MALRD1: variants seen among roughly 807,000 people sequenced by gnomAD.
MALRD1 encodes the protein MAM and LDL-receptor class A domain-containing protein 1.
In MALRD1, 247 loss-of-function variants were observed where a neutral mutation model predicts 242.1. The ratio of observed to expected loss-of-function variants is 1.02; its 90% CI spans 0.92 to 1.13. The LOEUF is 1.13. MALRD1 is among the 50% of genes most tolerant of loss of function. MALRD1 has a pLI of 0.00. For synonymous variants in MALRD1, 995 were observed against 866.6 expected (o/e 1.15, Z -2.60); for missense variants, 2,989 against 2,533.1 (o/e 1.18, Z -3.86).
At chr10:19,278,537 G>A (rs1840648704) in intron 19 of MALRD1, among the ~76,000 whole-genome samples, 3 of 151,946 alleles carry the variant, frequency 2.0e-5, no homozygotes, top group Admixed American at 2.0e-4. Context: ...ACTTGTCAAT[G>A]TTAGTATACC....
chr10:19,128,516 T>C, intron 8 of MALRD1, 129 bp downstream of exon 8: 2 of 544,738 alleles, frequency 3.7e-6, no homozygotes, highest in Non-Finnish European at 5.5e-6. Flanking sequence ...CTTGGTATAC[T>C]TTTAAAAAGA....
chr10:19,374,247 C>A (rs1812095728), intron 26 of MALRD1, among the ~76,000 whole-genome samples: 2 of 152,124 alleles, frequency 1.3e-5, no homozygotes, highest in South Asian at 2.1e-4. Context: ...TCTTGTGATA[C>A]ATAGAACATT....
intron 26 of MALRD1, among the ~76,000 whole-genome samples, chr10:19,386,490 C>T (rs1470710846): frequency 6.6e-6 from 1 of 151,952 alleles, no homozygotes; most frequent in Admixed American, 6.6e-5. Flanking sequence ...GATTTCTAAA[C>T]AACTTTTTCT....
intron 28 of MALRD1, among the ~76,000 whole-genome samples, chr10:19,425,890 C>G (rs1451847503): frequency 2.0e-5 from 3 of 152,086 alleles, no homozygotes; most frequent in Non-Finnish European, 4.4e-5. Flanking sequence ...ATTAGTCTTG[C>G]CTCCTGCCCA....
intron 29 of MALRD1, among the ~76,000 whole-genome samples, chr10:19,464,775 A>G (rs1166064378): frequency 2.0e-5 from 3 of 152,106 alleles, no homozygotes; most frequent in African/African-American, 7.2e-5. Flanking sequence ...TGGGAACTAC[A>G]TTGAATTTGT....
intron 26 of MALRD1, among the ~76,000 whole-genome samples, chr10:19,384,195 A>G (rs1014724088): frequency 4.0e-4 from 60 of 148,632 alleles, no homozygotes; most frequent in African/African-American, 1.4e-3. Context: ...TCTTCTGCCA[A>G]TTTTTAAATC....
intron 33 of MALRD1, among the ~76,000 whole-genome samples, chr10:19,590,729 G>A (rs1837735068): frequency 6.6e-6 from 1 of 152,060 alleles, no homozygotes. Context: ...GTGTGTGTAT[G>A]TGGATACTTT....
intron 11 of MALRD1, among the ~76,000 whole-genome samples, chr10:19,148,052 G>A (rs1833788079): frequency 6.6e-6 from 1 of 152,172 alleles, no homozygotes; most frequent in Non-Finnish European, 1.5e-5. Context: ...TGGTGACCCA[G>A]GTAGTCATGT....
At chr10:19,615,796 C>T (rs1272630398) in intron 35 of MALRD1, 61 bp from the exon 36 acceptor site, 1 of 1,250,638 alleles carries the variant, frequency 8.0e-7, no homozygotes. Context: ...ATAGTGATAT[C>T]TTCTTCTTCC....
At chr10:19,640,120 G>A (rs140610652) in intron 36 of MALRD1, among the ~76,000 whole-genome samples, 39 of 151,952 alleles carry the variant, frequency 2.6e-4, no homozygotes, top group African/African-American at 8.4e-4. Context: ...AAAGAGTTTC[G>A]CTCTTGTCAC....
At chr10:19,618,407 G>T (rs528116360) in intron 36 of MALRD1, among the ~76,000 whole-genome samples, 2 of 151,964 alleles carry the variant, frequency 1.3e-5, no homozygotes, top group Non-Finnish European at 2.9e-5. Flanking sequence ...AGGAATCACC[G>T]CACTGCTTTG....
At chr10:19,319,136 G>T (rs528943773) in intron 21 of MALRD1, among the ~76,000 whole-genome samples, 105 of 152,082 alleles carry the variant, frequency 6.9e-4, no homozygotes, top group African/African-American at 2.3e-3. Flanking sequence ...ATGATAAACA[G>T]AAATCCTTAT....
At position 19,387,667 on chromosome 10, in the gene MALRD1, G is replaced by A; in HGVS notation, c.4581G>A (p.Trp1527Ter). Residue 1527 changes from tryptophan (W) to a stop codon, truncating the protein, a stop_gained, in exon 27 of 40, where the codon TGG (tryptophan) becomes TGA (stop). Transcript: ENST00000454679. LOFTEE classifies it high-confidence loss of function. ...GCTCCTGTACTTTTGAAAAAGGCTG[G>A]TGTGGCTGGCAAAACTCCCAGGCTG... ...CGSSCTFEKG[W>*]CGWQNSQADN... is the part of the protein sequence containing the mutation. The A allele has an allele frequency of 1.3e-6, 2 of 1,550,356 alleles. No homozygotes were observed. The highest frequency in any genetic ancestry group is 1.4e-5 in the African/African-American group (1 of 73,124).
intron 8 of MALRD1, among the ~76,000 whole-genome samples, chr10:19,133,583 G>A (rs531497359): frequency 6.6e-6 from 1 of 152,100 alleles, no homozygotes. Context: ...TTGAAACGCA[G>A]TACTGTTTTT....
At chr10:19,184,551 G>A (rs1835654676) in intron 14 of MALRD1, among the ~76,000 whole-genome samples, 1 of 151,952 alleles carries the variant, frequency 6.6e-6, no homozygotes, top group Non-Finnish European at 1.5e-5. Context: ...TTGTTGTTTT[G>A]TTTTGTTTTG....
chr10:19,693,464 T>C (rs1833206430), intron 38 of MALRD1, among the ~76,000 whole-genome samples: 1 of 152,188 alleles, frequency 6.6e-6, no homozygotes, highest in East Asian at 1.9e-4. Context: ...ATGAGTGAAC[T>C]CCCATTCACA....
intron 1 of MALRD1, among the ~76,000 whole-genome samples, chr10:19,065,313 A>G (rs528495651): frequency 6.9e-6 from 1 of 145,680 alleles, no homozygotes; most frequent in African/African-American, 2.5e-5. Context: ...AAAAAAAGGA[A>G]GAAAGAAAGA....
At chr10:19,624,124 T>C (rs1839533416) in intron 36 of MALRD1, among the ~76,000 whole-genome samples, 1 of 151,750 alleles carries the variant, frequency 6.6e-6, no homozygotes, top group African/African-American at 2.4e-5. Context: ...AAACTACATA[T>C]TCATTCACTT....
chr10:19,234,916 T>A (rs527439336), intron 18 of MALRD1, among the ~76,000 whole-genome samples: 1 of 152,204 alleles, frequency 6.6e-6, no homozygotes, highest in African/African-American at 2.4e-5. Flanking sequence ...AGATGGCCCA[T>A]GTTGAGAGTG....
Sources: gnomAD v4.1 joint callset for allele counts (sites outside exome capture counted in the v4.1 genomes callset) on GRCh38, gnomAD v4.1.1 for gene constraint, MANE v1.5 for transcripts, NCBI Gene and HGNC (gene_info 2026-07-23, HGNC 2026-07-21) for gene names.